The following TRPM3 variants were observed in gnomAD, a reference collection of about 807,000 sequenced individuals.
The protein encoded by TRPM3 is long transient receptor potential channel 3.
In TRPM3, 77 loss-of-function variants were observed where a neutral mutation model predicts 181.2. The ratio of observed to expected loss-of-function variants is 0.42; its 90% CI spans 0.35 to 0.51. TRPM3 has a LOEUF of 0.51. Among genes scored for constraint, TRPM3 ranks in the 20% least tolerant of loss-of-function variants. The pLI is 0.01. For missense variants in TRPM3, 1,759 were observed against 2,196.7 expected (o/e 0.80, Z 3.98); for synonymous variants, 745 against 796.4 (o/e 0.94, Z 1.09).
At chr9:70,605,566 G>T (rs2060914577) in intron 19 of TRPM3, among the ~76,000 whole-genome samples, 1 of 151,826 alleles carries the variant, frequency 6.6e-6, no homozygotes, top group African/African-American at 2.4e-5. Flanking sequence ...TTAAAATTGT[G>T]TAGGACGCTG....
Position 70,535,702 on chromosome 9 carries a change from C to A in TRPM3, c.*251G>T. 1 of 1,434,108 alleles carries A rather than the reference C, an allele frequency of 7.0e-7. No homozygotes were observed. Among genetic ancestry groups the A allele is most frequent in the Non-Finnish European group, 9.1e-7 (1 of 1,101,010 alleles). 88.8% of individuals were successfully genotyped at this position (1,434,108 alleles called of 1,614,324 possible). On this transcript the variant is annotated 3_prime_UTR_variant, in exon 26 of 26. Transcript: ENST00000677713. ...CATTCATCTCTAACCCTTCCTTCTC[C>A]CTCTCTTCCCCCTCCCTGCCCAGCA...
chr9:71,360,101 CATT>C (rs2092081398), intron 1 of TRPM3, among the ~76,000 whole-genome samples: 1 of 152,068 alleles, frequency 6.6e-6, no homozygotes, highest in Non-Finnish European at 1.5e-5. Flanking sequence ...TTATTTTCAT[CATT>C]ATCATTTATA....
intron 1 of TRPM3, among the ~76,000 whole-genome samples, chr9:71,003,598 A>T (rs2134262468): frequency 6.6e-6 from 1 of 152,210 alleles, no homozygotes; most frequent in African/African-American, 2.4e-5. Flanking sequence ...TGCTAATAGG[A>T]TGTGTTGTTG....
intron 1 of TRPM3, among the ~76,000 whole-genome samples, chr9:70,876,715 C>T (rs550722070): frequency 3.2e-4 from 48 of 151,944 alleles, no homozygotes; most frequent in South Asian, 2.1e-3. Flanking sequence ...TTCTGATAAT[C>T]GGATTCTTCT....
chr9:70,698,207 CAA>C (rs35974302), intron 8 of TRPM3, among the ~76,000 whole-genome samples: 18 of 117,260 alleles, frequency 1.5e-4, no homozygotes, highest in Admixed American at 3.6e-4. Context: ...GACTCTGTCT[CAA>C]AAAAAAAAAA....
intron 22 of TRPM3, among the ~76,000 whole-genome samples, chr9:70,584,210 T>G (rs1300435371): frequency 6.6e-6 from 1 of 152,168 alleles, no homozygotes; most frequent in Non-Finnish European, 1.5e-5. Context: ...CATATTTTTA[T>G]GAGTCCACTT....
At chr9:70,701,476 G>A (rs1052906199) in intron 8 of TRPM3, among the ~76,000 whole-genome samples, 1 of 152,016 alleles carries the variant, frequency 6.6e-6, no homozygotes, top group African/African-American at 2.4e-5. Context: ...TGGTTTCTGT[G>A]GCATTTAATG....
At chr9:71,251,373 A>G (rs1042504984) in intron 1 of TRPM3, among the ~76,000 whole-genome samples, 1 of 152,144 alleles carries the variant, frequency 6.6e-6, no homozygotes, top group African/African-American at 2.4e-5. Context: ...TTCTGAGTTC[A>G]TCTTCTCTAC....
intron 1 of TRPM3, among the ~76,000 whole-genome samples, chr9:71,103,894 A>G (rs75998083): frequency 1.3e-5 from 2 of 151,896 alleles, no homozygotes; most frequent in Non-Finnish European, 2.9e-5. Flanking sequence ...ATAATGGAGC[A>G]GATGATCTGA....
intron 8 of TRPM3, among the ~76,000 whole-genome samples, chr9:70,700,919 G>T (rs2072329758): frequency 6.6e-6 from 1 of 152,210 alleles, no homozygotes; most frequent in African/African-American, 2.4e-5. Flanking sequence ...GTAGAGGGCA[G>T]GTTGTCCATT....
At chr9:71,407,672 C>T (rs138214229) in intron 1 of TRPM3, among the ~76,000 whole-genome samples, 1,573 of 152,312 alleles carry the variant, frequency 0.01, 37 homozygotes, top group African/African-American at 0.036. Context: ...CAAAAGGCAG[C>T]AGAAACTTCT....
intron 9 of TRPM3, among the ~76,000 whole-genome samples, chr9:70,678,930 T>C (rs145891068): frequency 6.9e-4 from 105 of 152,392 alleles, no homozygotes; most frequent in African/African-American, 2.4e-3. Context: ...ACTGAGAGCA[T>C]TTCAAAGCCT....
chr9:71,100,161 A>G (rs141226876), intron 1 of TRPM3, among the ~76,000 whole-genome samples: 125 of 152,306 alleles, frequency 8.2e-4, no homozygotes, highest in African/African-American at 2.9e-3. Context: ...TTAGATCTCA[A>G]ATTTTAACTC....
At chr9:70,546,676 GAAAAAAA>G (rs76948604) in intron 25 of TRPM3, among the ~76,000 whole-genome samples, 6 of 86,592 alleles carry the variant, frequency 6.9e-5, no homozygotes, top group Non-Finnish European at 1.3e-4. Flanking sequence ...CTCCTCATCG[GAAAAAAA>G]AAAAAAAAAA....
intron 8 of TRPM3, among the ~76,000 whole-genome samples, chr9:70,699,256 A>G (rs1428940766): frequency 1.3e-5 from 2 of 152,230 alleles, no homozygotes; most frequent in Non-Finnish European, 2.9e-5. Flanking sequence ...CTAAGGAGAC[A>G]AAGGTCATTT....
At chr9:70,827,257 G>A (rs2093610611) in intron 6 of TRPM3, 1 of 152,148 alleles carries the variant, frequency 6.6e-6, no homozygotes, top group African/African-American at 2.4e-5. Context: ...TCGTTGCTAA[G>A]TTCAAAATCT....
intron 3 of TRPM3, among the ~76,000 whole-genome samples, chr9:70,850,246 T>C (rs1482124013): frequency 6.6e-6 from 1 of 152,166 alleles, no homozygotes; most frequent in African/African-American, 2.4e-5. Context: ...CAGATATCTA[T>C]CAACAGAAAT....
intron 6 of TRPM3, 151 bp downstream of exon 6, chr9:70,827,696 C>T (rs1432603186): frequency 1.7e-5 from 15 of 889,258 alleles, no homozygotes; most frequent in Non-Finnish European, 2.4e-5. Flanking sequence ...TGGATGGCTT[C>T]CTCTCATTCT....
At chr9:70,980,370 AAGAG>A (rs150201490) in intron 1 of TRPM3, among the ~76,000 whole-genome samples, 17 of 148,224 alleles carry the variant, frequency 1.1e-4, no homozygotes, top group Admixed American at 5.4e-4. Context: ...AGAAGGGGGA[AAGAG>A]AGAGAGAGAG....
Sources: allele counts gnomAD v4.1 joint callset (sites outside exome capture counted in the v4.1 genomes callset), GRCh38; gene constraint gnomAD v4.1.1; transcripts MANE v1.5; gene names NCBI Gene and HGNC (gene_info 2026-07-23, HGNC 2026-07-21).